Variants in MORN1 observed in about 807,000 individuals in gnomAD.
MORN1 encodes the protein MORN repeat containing 1.
MORN1 carries 67 observed loss-of-function variants against 61.9 expected under a neutral mutation model. The ratio of observed to expected loss-of-function variants is 1.08; its 90% confidence interval spans 0.89 to 1.33. MORN1 has a LOEUF of 1.33. Among genes scored for constraint, MORN1 ranks in the 40% most tolerant of loss-of-function variants. The pLI is 0.00. For missense variants in MORN1, 752 were observed against 691.2 expected (o/e 1.09, Z -0.99); for synonymous variants, 301 against 292.0 (o/e 1.03, Z -0.31).
At chr1:2,342,872 T>TTTTATTTTA (rs1252732741) in intron 10 of MORN1, among the ~76,000 whole-genome samples, 5,699 of 84,190 alleles carry the variant, frequency 0.068, 142 homozygotes, top group Middle Eastern at 0.12. Context: ...ATTTTATTTA[T>TTTTATTTTA]TTTATTTTAT....
intron 10 of MORN1, chr1:2,355,447 C>T: frequency 1.9e-6 from 3 of 1,550,392 alleles, no homozygotes; most frequent in Non-Finnish European, 2.6e-6. Context: ...CTCGTCTGAT[C>T]CTAGAAGAGT....
rs143373468 is a variant in MORN1 at position 2,381,936 on chromosome 1, C to G, written c.537+3042G>C. ...GCTGGGCTGCCCCCTGGTGGATGCG[C>G]TGAGCACCCTGGTGCTGTCAGCCCA... On this transcript the variant is annotated intron_variant, in intron 6 of 13. Coordinates refer to ENST00000378531, the MANE Select transcript of MORN1 (RefSeq NM_024848.3). Among the ~76,000 whole-genome samples, 193 of 152,206 alleles carry G rather than the reference C, an allele frequency of 1.3e-3. 1 individual carries two copies. Among genetic ancestry groups the G allele is most frequent in the African/African-American group, 4.3e-3 (177 of 41,534 alleles).
At chr1:2,344,058 C>G (rs1641458111) in intron 10 of MORN1, among the ~76,000 whole-genome samples, 1 of 152,148 alleles carries the variant, frequency 6.6e-6, no homozygotes, top group Non-Finnish European at 1.5e-5. Flanking sequence ...TCTTTCCCAT[C>G]TGGAGCAGGA....
At chr1:2,322,238 AAGTG>A (rs1434982555) in intron 13 of MORN1, 4 of 985,224 alleles carry the variant, frequency 4.1e-6, no homozygotes, top group African/African-American at 1.7e-5. Context: ...AAATAACAAA[AAGTG>A]AGGTTGCCAT....
intron 12 of MORN1, among the ~76,000 whole-genome samples, chr1:2,333,136 G>C (rs1641195175): frequency 6.6e-6 from 1 of 152,256 alleles, no homozygotes; most frequent in African/African-American, 2.4e-5. Context: ...GGGGTGGCCA[G>C]AATGTTCCAG....
chr1:2,388,489 TAAAAA>T (rs1191534242), intron 2 of MORN1, 152 bp from the exon 3 acceptor site: 15 of 581,862 alleles, frequency 2.6e-5, no homozygotes, highest in Non-Finnish European at 3.0e-6. Flanking sequence ...TATTTAAAAA[TAAAAA>T]AATGTTCTCA....
intron 12 of MORN1, among the ~76,000 whole-genome samples, chr1:2,331,368 G>C (rs759924589): frequency 3.3e-5 from 5 of 152,226 alleles, no homozygotes; most frequent in Non-Finnish European, 7.3e-5. Flanking sequence ...GTGGCCACAG[G>C]GGTGGGCGGG....
chr1:2,321,502 G>T lies in MORN1; in HGVS notation c.1375C>A (p.Leu459Met), dbSNP rs539318670. 6.5e-7 allele frequency: 1 copy of T among 1,530,842 alleles called. No homozygotes were observed. The highest frequency in any genetic ancestry group is 8.8e-7 in the Non-Finnish European group (1 of 1,138,410). 94.8% of individuals were successfully genotyped at this position (1,530,842 alleles called of 1,614,324 possible). A position where few individuals can be genotyped will look rare whatever the true frequency, so the allele number is the denominator to read the frequency against. ...CCAGCCCTCTTCGCTACGACCCGCA[G>T]GTGTTTGAAGGCCGGGGGCAGCCTG... ...GRRLPPAFKH[L>M]RVVAKRAGQP... is the part of the protein sequence containing the mutation. The change falls in exon 14 of 14, where the codon CTG becomes ATG. Residue 459 changes from leucine to methionine, a missense_variant. Coordinates refer to ENST00000378531, the MANE Select transcript of MORN1 (RefSeq NM_024848.3).
intron 8 of MORN1, among the ~76,000 whole-genome samples, chr1:2,364,740 A>C (rs1438137919): frequency 2.0e-5 from 3 of 151,910 alleles, no homozygotes; most frequent in Non-Finnish European, 4.4e-5. Context: ...TTTTTGTATA[A>C]GGTGTAAGGA....
intron 6 of MORN1, among the ~76,000 whole-genome samples, chr1:2,381,781 C>A (rs1215572948): frequency 1.3e-5 from 2 of 152,180 alleles, no homozygotes; most frequent in Admixed American, 1.3e-4. Flanking sequence ...CCCAGCCAGC[C>A]CTTGGGCCCA....
At chr1:2,383,875 C>T (rs1280111415) in intron 6 of MORN1, among the ~76,000 whole-genome samples, 3 of 152,168 alleles carry the variant, frequency 2.0e-5, no homozygotes, top group African/African-American at 7.2e-5. Flanking sequence ...ACACTGTGGA[C>T]CAGCAGCCTC....
chr1:2,322,901 G>A (rs994300366), intron 13 of MORN1: 1 of 985,436 alleles, frequency 1.0e-6, no homozygotes, highest in East Asian at 1.1e-4. Context: ...CCACCGTGCG[G>A]CAGGCCGGGC....
chr1:2,327,760 G>A (rs1470529428), intron 12 of MORN1, among the ~76,000 whole-genome samples: 1 of 152,264 alleles, frequency 6.6e-6, no homozygotes. Flanking sequence ...CTAACAAGGT[G>A]CTGCGCCCGG....
rs543981847 is a variant in MORN1 at position 2,347,670 on chromosome 1, C to T, written c.1036+9762G>A. 1.5e-3 allele frequency among the ~76,000 whole-genome samples: 223 copies of T among 152,256 alleles called. 3 individuals carry two copies. The highest frequency in any genetic ancestry group is 7.1e-3 in the Admixed American group (109 of 15,300). On this transcript the variant is annotated intron_variant, in intron 10 of 13. Coordinates refer to ENST00000378531, the MANE Select transcript of MORN1 (RefSeq NM_024848.3). ...GTCCTCCCCACCGTGGCTGCCCGTG[C>T]GATGCTCCCAGTGGCCTCAGGGTTA...
intron 10 of MORN1, among the ~76,000 whole-genome samples, chr1:2,353,052 G>A (rs958019535): frequency 6.6e-6 from 1 of 152,176 alleles, no homozygotes; most frequent in South Asian, 2.1e-4. Context: ...AGCTGCCTGC[G>A]GTCCCAGGAC....
Position 2,388,258 on chromosome 1 carries a change from GCGGCCTT to G in MORN1, c.221_227del (p.Glu74AlafsTer143). The G allele has an allele frequency of 6.2e-7, 1 of 1,613,754 alleles. No individual in the cohort carries two copies. The highest frequency in any genetic ancestry group is 8.5e-7 in the Non-Finnish European group (1 of 1,179,904). ...GCTCACCTGACCAGGCCCAGTGCCG[GCGGCCTT>G]CTCCCGTGATCTCTCCGTCCACAAA... On this transcript the variant is annotated frameshift_variant, in exon 3 of 14. Transcript: ENST00000378531. LOFTEE classifies it high-confidence loss of function.
chr1:2,355,542 G>C, intron 10 of MORN1: 1 of 1,491,422 alleles, frequency 6.7e-7, no homozygotes, highest in Non-Finnish European at 9.1e-7. Context: ...GGGGGCAGGG[G>C]CACGGGCATG....
In MORN1 at chr1:2,386,008, G is replaced by A; in HGVS notation, c.359-111C>T. ...GGCAGGAGCAAAGTAGCAAGTCTAG[G>A]AGGCATGGGGCTCAGGGCCCCCCAG... is the stretch of plus-strand genomic sequence containing the variant. On this transcript the variant is annotated intron_variant, in intron 4 of 13. Coordinates refer to ENST00000378531, the MANE Select transcript of MORN1 (RefSeq NM_024848.3). 3 of 886,390 alleles carry A rather than the reference G, an allele frequency of 3.4e-6. No homozygotes were observed. In the East Asian group the frequency reaches 7.5e-5, roughly 22 times the overall value. The allele number at this position is 886,390 out of a possible 1,614,324, so 54.9% of individuals were successfully genotyped here. A position where few individuals can be genotyped will look rare whatever the true frequency, so the allele number is the denominator to read the frequency against.
rs1335905651 is a variant in MORN1 at position 2,334,174 on chromosome 1, G to A, written c.1250+2295C>T. ...TTTTGGCGGGGACAGAGCTGGGGAGGTCCTGGAAGAGGTCGTGAGGTCGAC... is the reference window on the plus strand; with the variant it reads ...TTTTGGCGGGGACAGAGCTGGGGAGATCCTGGAAGAGGTCGTGAGGTCGAC... On this transcript the variant is annotated intron_variant, in intron 12 of 13. Transcript: ENST00000378531. This position sits in a 1 kb window ranked among gnomAD's most constrained non-coding sequence, Gnocchi z 5.4. 6.6e-6 allele frequency among the ~76,000 whole-genome samples: 1 copy of A among 152,068 alleles called. No homozygotes were observed. Among genetic ancestry groups the A allele is most frequent in the Non-Finnish European group, 1.5e-5 (1 of 68,008 alleles).
Sources: allele counts gnomAD v4.1 joint callset (sites outside exome capture counted in the v4.1 genomes callset), GRCh38; gene constraint gnomAD v4.1.1; non-coding constraint Gnocchi (gnomAD v3.1); transcripts MANE v1.5; gene names NCBI Gene and HGNC (gene_info 2026-07-23, HGNC 2026-07-21).